NFIA: variants seen among roughly 807,000 people sequenced by gnomAD.
NFIA encodes nuclear factor I A.
NFIA carries 8 observed loss-of-function variants against 62.8 expected under a neutral mutation model. The observed-to-expected ratio is 0.13, with a 90% confidence interval of 0.07 to 0.23. The LOEUF is 0.23. Ranked by LOEUF, NFIA falls within the 10% of genes least tolerant of loss-of-function variation. The probability of loss-of-function intolerance (pLI) is 1.00; values close to 1 mark genes in which losing one functional copy is unlikely to be tolerated. For synonymous variants in NFIA, 235 were observed against 238.1 expected, an observed-to-expected ratio of 0.99 and a Z score of 0.12; for missense variants, 410 against 642.1, an observed-to-expected ratio of 0.64 and a Z score of 3.91.
intron 2 of NFIA, among the ~76,000 whole-genome samples, chr1:61,176,578 A>T (rs1650361199): frequency 1.3e-5 from 2 of 152,072 alleles, no homozygotes; most frequent in African/African-American, 4.8e-5. Flanking sequence ...TGATATTTTT[A>T]AAAATTCTTT....
At chr1:61,252,919 A>G (rs1398814996) in intron 2 of NFIA, among the ~76,000 whole-genome samples, 2 of 152,168 alleles carry the variant, frequency 1.3e-5, no homozygotes, top group Non-Finnish European at 2.9e-5. Context: ...AGTTTTAGAG[A>G]TGTTTTGTTT....
chr1:61,389,732 C>G (rs1028349833), intron 7 of NFIA, among the ~76,000 whole-genome samples: 2 of 135,232 alleles, frequency 1.5e-5, no homozygotes, highest in African/African-American at 6.0e-5. Flanking sequence ...ATAACCTGTG[C>G]CATCACACTG....
intron 6 of NFIA, among the ~76,000 whole-genome samples, chr1:61,361,769 C>T (rs1663301733): frequency 6.9e-6 from 1 of 145,980 alleles, no homozygotes; most frequent in Non-Finnish European, 1.5e-5. Context: ...TGGCTGAATC[C>T]TTTTTGGTAA....
chr1:61,178,763 T>G (rs1030766585), intron 2 of NFIA, among the ~76,000 whole-genome samples: 6 of 152,248 alleles, frequency 3.9e-5, no homozygotes, highest in Non-Finnish European at 7.3e-5. Context: ...GAGCTAATAC[T>G]TGTTTCTGTG....
intron 2 of NFIA, among the ~76,000 whole-genome samples, chr1:61,227,353 A>C (rs1654397568): frequency 6.7e-6 from 1 of 150,008 alleles, no homozygotes; most frequent in African/African-American, 2.4e-5. Context: ...ATAATTTATC[A>C]AGCTTGATTT....
chr1:61,366,099 A>C (rs1160055904), intron 6 of NFIA, among the ~76,000 whole-genome samples: 1 of 152,126 alleles, frequency 6.6e-6, no homozygotes, highest in Non-Finnish European at 1.5e-5. Context: ...TATAAATTTA[A>C]GTCTTCTTCC....
intron 2 of NFIA, among the ~76,000 whole-genome samples, chr1:61,182,866 T>C (rs1453435307): frequency 6.6e-6 from 1 of 152,236 alleles, no homozygotes; most frequent in African/African-American, 2.4e-5. Flanking sequence ...TTAAAAATAT[T>C]ATTACTTATG....
chr1:61,443,812 T>G (rs1569894283), intron 10 of NFIA, among the ~76,000 whole-genome samples: 2 of 152,306 alleles, frequency 1.3e-5, no homozygotes, highest in South Asian at 2.1e-4. Flanking sequence ...ATGGCTGCTT[T>G]CTCTGAACTC....
chr1:61,115,325 C>T (rs1027332592), intron 2 of NFIA, among the ~76,000 whole-genome samples: 10 of 152,164 alleles, frequency 6.6e-5, no homozygotes, highest in African/African-American at 2.4e-4. Context: ...TAACATGGTA[C>T]AGGTTGGTAG....
At chr1:61,365,560 T>C (rs1663542587) in intron 6 of NFIA, among the ~76,000 whole-genome samples, 1 of 152,234 alleles carries the variant, frequency 6.6e-6, no homozygotes, top group Admixed American at 6.5e-5. Flanking sequence ...TCCTCCAGTT[T>C]AGGGCCTGCT....
intron 4 of NFIA, among the ~76,000 whole-genome samples, chr1:61,346,283 C>T (rs553166665): frequency 9.2e-5 from 14 of 152,254 alleles, no homozygotes; most frequent in South Asian, 6.2e-4. Flanking sequence ...TGATTGGCAG[C>T]GACTGCATCG....
At chr1:61,287,660 C>T (rs549001574) in intron 3 of NFIA, among the ~76,000 whole-genome samples, 5 of 151,736 alleles carry the variant, frequency 3.3e-5, no homozygotes, top group Admixed American at 3.3e-4. Flanking sequence ...TCCCCAACCC[C>T]CCCCAAAAAA....
chr1:61,101,827 G>A (rs1032647980), intron 2 of NFIA, among the ~76,000 whole-genome samples: 2 of 152,118 alleles, frequency 1.3e-5, no homozygotes, highest in African/African-American at 4.8e-5. Context: ...GCATGTAAGG[G>A]GTCTTATAAG....
intron 3 of NFIA, among the ~76,000 whole-genome samples, chr1:61,310,598 G>T (rs1181446529): frequency 6.6e-6 from 1 of 152,106 alleles, no homozygotes; most frequent in Non-Finnish European, 1.5e-5. Context: ...TGCCAGTCAC[G>T]TCCCAGTTAA....
In NFIA at chr1:61,088,817, G is replaced by A; in HGVS notation, c.559+137G>A. ...TGAAGCCAGTGTGGTTTCAAAGATTGAGAGAGGTGCCACCTTCATTCAGGT... is the reference window on the plus strand; with the variant it reads ...TGAAGCCAGTGTGGTTTCAAAGATTAAGAGAGGTGCCACCTTCATTCAGGT... On this transcript the variant is annotated intron_variant, in intron 2 of 10. Transcript: ENST00000403491. This position sits in a 1 kb window ranked among gnomAD's most constrained non-coding sequence, Gnocchi z 4.5. 1.0e-6 allele frequency: 1 copy of A among 983,252 alleles called. No homozygotes were observed. Among genetic ancestry groups the A allele is most frequent in the Non-Finnish European group, 1.5e-6 (1 of 675,222 alleles). 60.9% of individuals were successfully genotyped at this position (983,252 alleles called of 1,614,324 possible).
chr1:61,281,510 G>T (rs1658133141), intron 3 of NFIA, among the ~76,000 whole-genome samples: 1 of 152,174 alleles, frequency 6.6e-6, no homozygotes. Context: ...TACTTACCCT[G>T]CTCTGAAATG....
At chr1:61,110,452 A>G (rs1022805158) in intron 2 of NFIA, among the ~76,000 whole-genome samples, 1 of 151,778 alleles carries the variant, frequency 6.6e-6, no homozygotes, top group African/African-American at 2.4e-5. Flanking sequence ...TCTGCGGGCA[A>G]GCATACGAAC....
chr1:61,432,628 C>CACACATATATAT (rs887630351), intron 10 of NFIA, among the ~76,000 whole-genome samples: 1 of 151,272 alleles, frequency 6.6e-6, no homozygotes, highest in African/African-American at 2.4e-5. Flanking sequence ...CACACACGTA[C>CACACATATATAT]ACACATATAT....
intron 2 of NFIA, among the ~76,000 whole-genome samples, chr1:61,253,767 C>T (rs141619133): frequency 8.4e-4 from 128 of 152,180 alleles, no homozygotes; most frequent in African/African-American, 2.6e-3. Context: ...AGAATGACCA[C>T]GTCTAAATAA....
Sources: allele counts gnomAD v4.1 joint callset (sites outside exome capture counted in the v4.1 genomes callset), GRCh38; gene constraint gnomAD v4.1.1; non-coding constraint Gnocchi (gnomAD v3.1); transcripts MANE v1.5; gene names NCBI Gene and HGNC (gene_info 2026-07-23, HGNC 2026-07-21).